Variants in ZNF653 observed in about 807,000 individuals in gnomAD.
ZNF653 encodes the protein 67 kDa zinc finger protein.
A neutral mutation model predicts 59.9 loss-of-function variants in ZNF653; 37 were observed. The ratio of observed to expected loss-of-function variants is 0.62; its 90% CI spans 0.48 to 0.81. The LOEUF (loss-of-function observed/expected upper bound fraction) is 0.81, where lower values mean the gene tolerates loss of function less well. ZNF653 is among the 40% of genes least tolerant of loss of function. The probability of loss-of-function intolerance (pLI) is 0.00; values close to 1 mark genes in which losing one functional copy is unlikely to be tolerated. For synonymous variants in ZNF653, 435 were observed against 371.8 expected (o/e 1.17, Z -1.96); for missense variants, 808 against 881.1 (o/e 0.92, Z 1.05).
intron 2 of ZNF653, 89 bp downstream of exon 2, chr19:11,498,207 G>A (rs1971608191): frequency 1.3e-6 from 2 of 1,583,246 alleles, no homozygotes; most frequent in Non-Finnish European, 8.7e-7. Flanking sequence ...TGCTGCCTAG[G>A]GCAGCGACCT....
intron 1 of ZNF653, among the ~76,000 whole-genome samples, chr19:11,501,922 G>A (rs950507572): frequency 1.3e-5 from 2 of 152,038 alleles, no homozygotes; most frequent in Non-Finnish European, 2.9e-5. Flanking sequence ...AGCCTCCTGC[G>A]TAGCTGGGAC....
intron 7 of ZNF653, among the ~76,000 whole-genome samples, chr19:11,485,198 G>A (rs1971453225): frequency 6.6e-6 from 1 of 151,972 alleles, no homozygotes; most frequent in South Asian, 2.1e-4. Flanking sequence ...AGCCCATGCA[G>A]AAGACCTGCA....
At chr19:11,494,386 T>TAACATAACATAA (rs1568395630) in intron 3 of ZNF653, among the ~76,000 whole-genome samples, 6 of 101,530 alleles carry the variant, frequency 5.9e-5, no homozygotes, top group Admixed American at 2.0e-4. Flanking sequence ...ACATAAAACA[T>TAACATAACATAA]AACATAACAT....
Position 11,495,929 on chromosome 19 carries a change from G to A in ZNF653, c.559+21C>T. 6.2e-7 allele frequency: 1 copy of A among 1,608,476 alleles called. No homozygotes were observed. The highest frequency in any genetic ancestry group is 8.5e-7 in the Non-Finnish European group (1 of 1,177,488). On this transcript the variant is annotated intron_variant, in intron 3 of 8. Coordinates refer to ENST00000293771, the MANE Select transcript of ZNF653 (RefSeq NM_138783.4). This position sits in a 1 kb window ranked among gnomAD's most constrained non-coding sequence, Gnocchi z 4.9. The stretch of plus-strand genomic sequence containing the variant: ...CCCAGAAATGGGCGGCCCCCTATGT[G>A]CCCTCGCCCTGCAGACCTACCTTTG...
In ZNF653 at chr19:11,487,075, C is replaced by T. The variant is rs867205551; in HGVS notation, c.1255G>A (p.Ala419Thr). The T allele has an allele frequency of 1.4e-5, 22 of 1,614,066 alleles. No individual in the cohort carries two copies. The highest frequency in any genetic ancestry group is 1.6e-5 in the Non-Finnish European group (19 of 1,180,024). ...PELATTVPES[A>T]EPEAEADGEE... Reference sequence around the variant, plus strand: ...CCGTCCGCCTCTGCCTCAGGCTCTGCGCTCTCAGGCACCGTTGTTGCCAGC... The same window carrying T: ...CCGTCCGCCTCTGCCTCAGGCTCTGTGCTCTCAGGCACCGTTGTTGCCAGC... Residue 419 changes from alanine to threonine, a missense_variant, in exon 5 of 9, where the codon GCA becomes ACA. Ala to Thr is a moderately conservative substitution (Grantham distance 58, BLOSUM62 0). Coordinates refer to ENST00000293771, the MANE Select transcript of ZNF653 (RefSeq NM_138783.4). The surrounding 1 kb of genome is among the most constrained non-coding windows in gnomAD (Gnocchi z 5.1).
chr19:11,501,330 C>T (rs1267114992), intron 1 of ZNF653, among the ~76,000 whole-genome samples: 1 of 152,142 alleles, frequency 6.6e-6, no homozygotes, highest in East Asian at 1.9e-4. Flanking sequence ...AGGCATGCAC[C>T]ACCACACCCG....
chr19:11,485,590 G>T lies in ZNF653; in HGVS notation c.1570+66C>A, dbSNP rs1284338081. ...ACTGGGCTTTGACCCGCCAGCTCTG[G>T]CCCAGGCTCCCAGGCCCATGTCCCT... On this transcript the variant is annotated intron_variant, in intron 7 of 8. Transcript: ENST00000293771. 15 of 1,370,782 alleles carry T rather than the reference G, an allele frequency of 1.1e-5. 1 individual carries two copies. Among genetic ancestry groups the T allele is most frequent in the Non-Finnish European group, 1.5e-5 (14 of 963,700 alleles). The allele number at this position is 1,370,782 out of a possible 1,614,324, so 84.9% of individuals were successfully genotyped here.
rs1483958227 is a variant in ZNF653 at position 11,505,529 on chromosome 19, G to A, written c.258C>T (p.Tyr86=). 1.3e-6 allele frequency: 2 copies of A among 1,516,134 alleles called. No individual in the cohort carries two copies. Among genetic ancestry groups the A allele is most frequent in the South Asian group, 1.2e-5 (1 of 81,244 alleles). The allele number at this position is 1,516,134 out of a possible 1,614,324, so 93.9% of individuals were successfully genotyped here. A position where few individuals can be genotyped will look rare whatever the true frequency, so the allele number is the denominator to read the frequency against. The change falls in exon 1 of 9, where the codon TAC becomes TAT. Residue 86 remains tyrosine, a synonymous_variant. Coordinates refer to ENST00000293771, the MANE Select transcript of ZNF653 (RefSeq NM_138783.4). The stretch of plus-strand genomic sequence containing the variant: ...GCTGGCCGCGCTCCAGAGAGATGAG[G>A]TAGGCGGCGAGCTTGGCGTCGCTCC... ...SGWSDAKLAA[Y]LISLERGQRS...
intron 3 of ZNF653, among the ~76,000 whole-genome samples, chr19:11,489,806 C>G (rs554971658): frequency 6.6e-6 from 1 of 152,354 alleles, no homozygotes; most frequent in African/African-American, 2.4e-5. Flanking sequence ...CAGACCCACG[C>G]TGTGGTATCC....
rs1971482323 is a variant in ZNF653 at position 11,487,573 on chromosome 19, G to A, written c.890C>T (p.Pro297Leu). The A allele has an allele frequency of 6.2e-7, 1 of 1,613,954 alleles. No homozygotes were observed. The highest frequency in any genetic ancestry group is 8.5e-7 in the Non-Finnish European group (1 of 1,179,976). ...AGPSALFENV[P>L]QEALGEVVAS... ...CACCACCTCACCCAGGGCCTCCTGG[G>A]GCACGTTCTCAAAGAGGGCGCTGGG... Residue 297 changes from proline (P) to leucine (L), a missense_variant, in exon 4 of 9, where the codon CCC becomes CTC. By Grantham distance (98) the Pro-to-Leu change is moderately conservative. Transcript: ENST00000293771. The surrounding 1 kb of genome is among the most constrained non-coding windows in gnomAD (Gnocchi z 5.1).
Position 11,483,584 on chromosome 19 carries a change from C to G in ZNF653, c.*98G>C. ...GGGGCGGGGGCGCCTCCTTCCGGCC[C>G]GCGGTCCGGGCGGCCCTCGCAGCTG... On this transcript the variant is annotated 3_prime_UTR_variant, in exon 9 of 9. Coordinates refer to ENST00000293771, the MANE Select transcript of ZNF653 (RefSeq NM_138783.4). 1 of 1,458,510 alleles carries G rather than the reference C, an allele frequency of 6.9e-7. No homozygotes were observed. Among genetic ancestry groups the G allele is most frequent in the Non-Finnish European group, 9.1e-7 (1 of 1,099,388 alleles). 90.3% of individuals were successfully genotyped at this position (1,458,510 alleles called of 1,614,324 possible).
In ZNF653 at chr19:11,487,764, G is replaced by A. The variant is rs993169650; in HGVS notation, c.699C>T (p.Ser233=). 1.1e-5 allele frequency: 17 copies of A among 1,613,036 alleles called. No homozygotes were observed. The highest frequency in any genetic ancestry group is 1.4e-5 in the Non-Finnish European group (17 of 1,179,844). The change falls in exon 4 of 9, where the codon AGC becomes AGT. Residue 233 remains serine, a synonymous_variant. Coordinates refer to ENST00000293771, the MANE Select transcript of ZNF653 (RefSeq NM_138783.4). This position sits in a 1 kb window ranked among gnomAD's most constrained non-coding sequence, Gnocchi z 5.1. ...CGCCCTCCTGAGTGATGAGCCCGCT[G>A]CTGCCCACCGGGCTGGTGGGCGTCG... ...AAATPTSPVG[S]SGLITQEGVH... is the part of the protein sequence containing the mutation.
chr19:11,487,247 A>T lies in ZNF653; in HGVS notation c.1171+45T>A. On this transcript the variant is annotated intron_variant, in intron 4 of 8. Coordinates refer to ENST00000293771, the MANE Select transcript of ZNF653 (RefSeq NM_138783.4). The surrounding 1 kb of genome is among the most constrained non-coding windows in gnomAD (Gnocchi z 5.1). ...GGCCATTCCTCGCCCGGCCCCTCCCAGGCCCAACCACCCCTGGCCAGAGGC... is the reference window on the plus strand; with the variant it reads ...GGCCATTCCTCGCCCGGCCCCTCCCTGGCCCAACCACCCCTGGCCAGAGGC... 1.2e-6 allele frequency: 2 copies of T among 1,600,142 alleles called. No individual in the cohort carries two copies. Among genetic ancestry groups the T allele is most frequent in the Non-Finnish European group, 1.7e-6 (2 of 1,172,428 alleles).
chr19:11,505,460 T>G, intron 1 of ZNF653, 28 bp downstream of exon 1: 1 of 1,427,056 alleles, frequency 7.0e-7, no homozygotes, highest in Non-Finnish European at 9.1e-7. Context: ...GTCTCCTCCC[T>G]CCCTCCCTCG....
intron 3 of ZNF653, among the ~76,000 whole-genome samples, chr19:11,490,780 T>G (rs112184717): frequency 1.3e-5 from 2 of 152,254 alleles, no homozygotes; most frequent in Non-Finnish European, 2.9e-5. Flanking sequence ...AGCTCCAGAT[T>G]CTTCCATCTC....
Position 11,487,081 on chromosome 19 carries a change from C to G in ZNF653, c.1249G>C (p.Glu417Gln). The stretch of plus-strand genomic sequence containing the variant: ...GCCTCTGCCTCAGGCTCTGCGCTCT[C>G]AGGCACCGTTGTTGCCAGCTCCGGG... ...VAPELATTVP[E>Q]SAEPEAEADG... Residue 417 changes from glutamate (E) to glutamine (Q), a missense_variant, in exon 5 of 9, where the codon GAG (glutamate) becomes CAG (glutamine). By Grantham distance (29) the Glu-to-Gln change is conservative (BLOSUM62 2). Coordinates refer to ENST00000293771, the MANE Select transcript of ZNF653 (RefSeq NM_138783.4). The surrounding 1 kb of genome is among the most constrained non-coding windows in gnomAD (Gnocchi z 5.1). The G allele has an allele frequency of 6.2e-7, 1 of 1,614,110 alleles. No homozygotes were observed.
intron 2 of ZNF653, 26 bp downstream of exon 2, chr19:11,498,270 C>A (rs762658985): frequency 1.2e-6 from 2 of 1,613,740 alleles, no homozygotes; most frequent in East Asian, 4.5e-5. Flanking sequence ...CTCTCCCCAC[C>A]TCCCCCAGGC....
At chr19:11,501,574 T>G (rs965874066) in intron 1 of ZNF653, among the ~76,000 whole-genome samples, 2 of 152,154 alleles carry the variant, frequency 1.3e-5, no homozygotes, top group African/African-American at 4.8e-5. Context: ...GTCAGAGCTT[T>G]GCTCCATCAC....
chr19:11,483,480 T>C lies in ZNF653; in HGVS notation c.*202A>G, dbSNP rs946772214. The C allele has an allele frequency of 4.3e-6, 6 of 1,387,520 alleles. No homozygotes were observed. Among genetic ancestry groups the C allele is most frequent in the Non-Finnish European group, 4.7e-6 (5 of 1,072,240 alleles). The allele number at this position is 1,387,520 out of a possible 1,614,324, so 86.0% of individuals were successfully genotyped here. A position where few individuals can be genotyped will look rare whatever the true frequency, so the allele number is the denominator to read the frequency against. ...TGCTCTCTTGACACAGTTCCAGCAA[T>C]GCAGCCCCAGGCACCAGCTCCGAGA... On this transcript the variant is annotated 3_prime_UTR_variant, in exon 9 of 9. Transcript: ENST00000293771.
Sources: allele counts gnomAD v4.1 joint callset (sites outside exome capture counted in the v4.1 genomes callset), GRCh38; gene constraint gnomAD v4.1.1; non-coding constraint Gnocchi (gnomAD v3.1); transcripts MANE v1.5; gene names NCBI Gene and HGNC (gene_info 2026-07-23, HGNC 2026-07-21).